Variants in SNX9 observed in about 807,000 individuals in gnomAD.
SNX9 encodes sorting nexin 9.
A neutral mutation model predicts 89.4 loss-of-function variants in SNX9; 44 were observed. That is an observed-to-expected ratio of 0.49 (90% confidence interval 0.39 to 0.63). The LOEUF is 0.63. Ranked by LOEUF, SNX9 falls within the 30% of genes least tolerant of loss-of-function variation. SNX9 has a pLI of 0.00. For synonymous variants in SNX9, 236 were observed against 247.8 expected, an observed-to-expected ratio of 0.95 and a Z score of 0.45; for missense variants, 578 against 736.1, an observed-to-expected ratio of 0.79 and a Z score of 2.49.
At chr6:157,844,894 C>T (rs6920489) in intron 1 of SNX9, among the ~76,000 whole-genome samples, 19,093 of 151,920 alleles carry the variant, frequency 0.13, 1,954 homozygotes, top group African/African-American at 0.28. Flanking sequence ...TGCGCCTGGC[C>T]GTCGTCCTTG....
At chr6:157,867,354 A>G (rs752882555) in intron 1 of SNX9, among the ~76,000 whole-genome samples, 193 bp from the exon 2 acceptor site, 147 of 152,196 alleles carry the variant, frequency 9.7e-4, no homozygotes, top group Non-Finnish European at 1.8e-3. Flanking sequence ...GAACAGGGCT[A>G]TCACCGTTGG....
chr6:157,824,796 G>A (rs1043803885), intron 1 of SNX9, among the ~76,000 whole-genome samples: 1 of 152,138 alleles, frequency 6.6e-6, no homozygotes, highest in African/African-American at 2.4e-5. Flanking sequence ...GATAGAACTT[G>A]CCACCTTTTT....
chr6:157,937,555 A>G, intron 15 of SNX9, 32 bp downstream of exon 15: 1 of 1,502,272 alleles, frequency 6.7e-7, no homozygotes, highest in Non-Finnish European at 9.3e-7. Context: ...ATAGAAGACA[A>G]CAGCAGGTGA....
intron 15 of SNX9, among the ~76,000 whole-genome samples, chr6:157,938,084 C>T (rs1783962839): frequency 6.6e-6 from 1 of 152,192 alleles, no homozygotes; most frequent in East Asian, 1.9e-4. Context: ...TAACGAGCAG[C>T]GTGATGACAC....
At chr6:157,886,643 G>A (rs1416808862) in intron 4 of SNX9, among the ~76,000 whole-genome samples, 1 of 152,200 alleles carries the variant, frequency 6.6e-6, no homozygotes, top group African/African-American at 2.4e-5. Context: ...CATCTAGAAA[G>A]CAGCACTTTC....
At chr6:157,870,010 C>G (rs1782360471) in intron 2 of SNX9, among the ~76,000 whole-genome samples, 1 of 152,052 alleles carries the variant, frequency 6.6e-6, no homozygotes, top group African/African-American at 2.4e-5. Context: ...CTCATGCACA[C>G]CCACAGTCGC....
chr6:157,840,407 CTTTCTTTCTTTCT>C lies in SNX9; in HGVS notation c.12+16973_12+16985del, dbSNP rs948321964. Among the ~76,000 whole-genome samples the C allele has an allele frequency of 6.2e-5, 8 of 129,274 alleles. 1 individual carries two copies. The highest frequency in any genetic ancestry group is 2.7e-4 in the African/African-American group (8 of 29,482). The allele number at this position is 129,274 out of a possible 152,430, so 84.8% of individuals were successfully genotyped here. The stretch of plus-strand genomic sequence containing the variant: ...AAATGACTGACTTTTACAAAAAATA[CTTTCTTTCTTTCT>C]TTTCTTTCTTTTCTTTCCTTTCTTT... On this transcript the variant is annotated intron_variant, in intron 1 of 17. Coordinates refer to ENST00000392185, the MANE Select transcript of SNX9 (RefSeq NM_016224.5).
intron 1 of SNX9, among the ~76,000 whole-genome samples, chr6:157,845,067 C>T (rs1381536267): frequency 2.0e-5 from 3 of 150,964 alleles, no homozygotes; most frequent in African/African-American, 7.3e-5. Flanking sequence ...TTCAGGATTA[C>T]AGGCTTCAGC....
At chr6:157,871,214 T>C (rs1333112543) in intron 2 of SNX9, among the ~76,000 whole-genome samples, 2 of 152,048 alleles carry the variant, frequency 1.3e-5, no homozygotes, top group Non-Finnish European at 2.9e-5. Context: ...ACCTCATCTC[T>C]ACAAAAAATA....
At chr6:157,874,949 T>C in intron 3 of SNX9, 102 bp from the exon 4 acceptor site, 1 of 1,318,210 alleles carries the variant, frequency 7.6e-7, no homozygotes, top group South Asian at 1.8e-5. Flanking sequence ...ATTTGTAGCA[T>C]TGAAGAATAT....
chr6:157,897,031 C>A (rs371204755), intron 5 of SNX9, 33 bp downstream of exon 5: 1 of 1,535,336 alleles, frequency 6.5e-7, no homozygotes, highest in South Asian at 1.3e-5. Flanking sequence ...CCACCCTGCC[C>A]GCCCATGGCT....
chr6:157,836,085 C>T (rs1355054078), intron 1 of SNX9, among the ~76,000 whole-genome samples: 1 of 152,034 alleles, frequency 6.6e-6, no homozygotes, highest in Non-Finnish European at 1.5e-5. Flanking sequence ...GCACATGCCA[C>T]CAGAGCCAGC....
intron 16 of SNX9, among the ~76,000 whole-genome samples, chr6:157,939,262 C>T (rs944997915): frequency 1.3e-5 from 2 of 151,992 alleles, no homozygotes; most frequent in African/African-American, 2.4e-5. Context: ...GAATGGAGAG[C>T]GTGTTCTGTT....
Position 157,932,277 on chromosome 6 carries a change from G to A in SNX9, c.1366+5G>A, listed in dbSNP as rs778623750. The stretch of plus-strand genomic sequence containing the variant: ...TCAGTTCCAGTGGCTATCAAGGTGC[G>A]TCTTTCTTCATTCATCCAGTGGGCC... On this transcript the variant is annotated splice_donor_5th_base_variant and intron_variant, in intron 13 of 17. Transcript: ENST00000392185. 21 of 1,613,860 alleles carry A rather than the reference G, an allele frequency of 1.3e-5. No individual in the cohort carries two copies. Among genetic ancestry groups the A allele is most frequent in the East Asian group, 4.5e-5 (2 of 44,866 alleles).
At chr6:157,867,473 A>T (rs756438033) in intron 1 of SNX9, 74 bp from the exon 2 acceptor site, 2 of 1,197,682 alleles carry the variant, frequency 1.7e-6, no homozygotes, top group East Asian at 2.4e-5. Context: ...TTAGAAAGTG[A>T]ACTGTACACC....
intron 1 of SNX9, among the ~76,000 whole-genome samples, chr6:157,853,118 A>T (rs1411648400): frequency 6.6e-6 from 1 of 150,972 alleles, no homozygotes; most frequent in Non-Finnish European, 1.5e-5. Context: ...AGCATGTTTG[A>T]CATTTCCTGT....
chr6:157,883,632 A>G lies in SNX9; in HGVS notation c.300+8456A>G, dbSNP rs192060584. On this transcript the variant is annotated intron_variant, in intron 4 of 17. Transcript: ENST00000392185. The stretch of plus-strand genomic sequence containing the variant: ...TCATCACCTTATCTTTAAGTTATGT[A>G]TTTGTCTCCAGGCAAACTGATGATT... 7.6e-4 allele frequency among the ~76,000 whole-genome samples: 116 copies of G among 152,250 alleles called. 1 individual carries two copies. Among genetic ancestry groups the G allele is most frequent in the African/African-American group, 2.6e-3 (109 of 41,550 alleles).
At chr6:157,827,578 T>TTATATTATAGTTTATATAATATATAAATA (rs1781403642) in intron 1 of SNX9, among the ~76,000 whole-genome samples, 1 of 135,658 alleles carries the variant, frequency 7.4e-6, no homozygotes, top group Non-Finnish European at 1.5e-5. Flanking sequence ...TAAATATATA[T>TTATATTATAGTTTATATAATATATAAATA]TATATTATAG....
intron 3 of SNX9, chr6:157,874,238 C>T (rs957816942): frequency 2.6e-5 from 4 of 152,326 alleles, no homozygotes; most frequent in Non-Finnish European, 5.9e-5. Flanking sequence ...AACGTGTGCC[C>T]ATGCACACAC....
Sources: gnomAD v4.1 joint callset for allele counts (sites outside exome capture counted in the v4.1 genomes callset) on GRCh38, gnomAD v4.1.1 for gene constraint, MANE v1.5 for transcripts, NCBI Gene and HGNC (gene_info 2026-07-23, HGNC 2026-07-21) for gene names.